ABCA13: variants seen among roughly 807,000 people sequenced by gnomAD.
ABCA13 encodes the protein ATP binding cassette subfamily A member 13, also known as ATP-binding cassette sub-family A member 13.
Under a neutral mutation model 478.7 loss-of-function variants are expected in ABCA13, and 476 were observed. That is an observed-to-expected ratio of 0.99 (90% CI 0.92 to 1.07). The LOEUF is 1.07. Among genes scored for constraint, ABCA13 ranks in the 50% least tolerant of loss-of-function variants. ABCA13 has a pLI of 0.00. For synonymous variants in ABCA13, 2,252 were observed against 2,158.9 expected, an observed-to-expected ratio of 1.04 and a Z score of -1.20; for missense variants, 6,060 against 5,910.6, an observed-to-expected ratio of 1.03 and a Z score of -0.83.
intron 59 of ABCA13, among the ~76,000 whole-genome samples, chr7:48,625,441 T>G (rs747296731): frequency 6.6e-6 from 1 of 152,224 alleles, no homozygotes; most frequent in Non-Finnish European, 1.5e-5. Context: ...TTTCTATATT[T>G]TACTTTAGTT....
chr7:48,596,167 T>C (rs1389407948), intron 58 of ABCA13, among the ~76,000 whole-genome samples: 1 of 152,260 alleles, frequency 6.6e-6, no homozygotes, highest in Non-Finnish European at 1.5e-5. Flanking sequence ...CAATGTATTG[T>C]GAAGAACTCA....
chr7:48,269,643 G>A (rs964886614), intron 16 of ABCA13, among the ~76,000 whole-genome samples: 1 of 152,196 alleles, frequency 6.6e-6, no homozygotes, highest in African/African-American at 2.4e-5. Flanking sequence ...TGGGAGAGAT[G>A]TTTTGCATAA....
chr7:48,307,694 T>TA (rs1801112035), intron 23 of ABCA13, among the ~76,000 whole-genome samples: 1 of 152,212 alleles, frequency 6.6e-6, no homozygotes, highest in African/African-American at 2.4e-5. Context: ...TTTATTTATT[T>TA]TTTTAAGACA....
chr7:48,563,829 TG>T (rs1563442724), intron 55 of ABCA13, among the ~76,000 whole-genome samples: 2,674 of 82,366 alleles, frequency 0.032, 80 homozygotes, highest in African/African-American at 0.12. Context: ...TGTGTGTGTG[TG>T]TGTGTGTGTT....
intron 41 of ABCA13, among the ~76,000 whole-genome samples, chr7:48,414,954 A>G (rs142708312): frequency 6.6e-6 from 1 of 152,302 alleles, no homozygotes; most frequent in East Asian, 1.9e-4. Flanking sequence ...AATAACATCT[A>G]TACCCCCAAA....
intron 20 of ABCA13, among the ~76,000 whole-genome samples, chr7:48,291,228 G>T (rs879663691): frequency 6.6e-6 from 1 of 152,164 alleles, no homozygotes; most frequent in Admixed American, 6.5e-5. Flanking sequence ...TTCTGGTAGA[G>T]CAGTCAGCGG....
intron 54 of ABCA13, among the ~76,000 whole-genome samples, chr7:48,527,221 C>T (rs911104321): frequency 2.6e-5 from 4 of 151,966 alleles, no homozygotes; most frequent in African/African-American, 4.8e-5. Context: ...CTGGGGGAGA[C>T]GGACTCATAT....
chr7:48,570,244 AT>A (rs1787480810), intron 55 of ABCA13, among the ~76,000 whole-genome samples: 1 of 146,856 alleles, frequency 6.8e-6, no homozygotes, highest in Non-Finnish European at 1.5e-5. Flanking sequence ...CTTCAAGTCT[AT>A]TTTGTTATAT....
chr7:48,386,096 C>A (rs2129049459), intron 35 of ABCA13, among the ~76,000 whole-genome samples: 1 of 152,216 alleles, frequency 6.6e-6, no homozygotes. Flanking sequence ...TATACAGCAA[C>A]AACAGTCAAG....
intron 35 of ABCA13, among the ~76,000 whole-genome samples, chr7:48,385,062 A>C (rs1814970628): frequency 1.3e-5 from 2 of 152,200 alleles, no homozygotes; most frequent in South Asian, 4.1e-4. Context: ...AAACCTGCGG[A>C]GATACAACTC....
At chr7:48,512,611 T>G (rs963493838) in intron 51 of ABCA13, among the ~76,000 whole-genome samples, 1 of 152,168 alleles carries the variant, frequency 6.6e-6, no homozygotes, top group Non-Finnish European at 1.5e-5. Context: ...ATAAAATTAT[T>G]TTTGAATTTT....
Position 48,389,072 on chromosome 7 carries a change from G to A in ABCA13, c.11506G>A (p.Glu3836Lys). The A allele has an allele frequency of 6.2e-7, 1 of 1,613,936 alleles. No individual in the cohort carries two copies. The highest frequency in any genetic ancestry group is 8.5e-7 in the Non-Finnish European group (1 of 1,179,840). Residue 3836 changes from glutamate (E) to lysine (K), a missense_variant, in exon 37 of 62, where the codon GAA becomes AAA. Glu to Lys is a moderately conservative substitution (Grantham distance 56). Around this residue, in one of 3 missense-constraint regions of ABCA13, gnomAD observed 1,627 missense variants for 1,571.0 expected, o/e 1.04. Coordinates refer to ENST00000435803, the MANE Select transcript of ABCA13 (RefSeq NM_152701.5). Reference sequence around the variant, plus strand: ...ACTGCAAAACAGGGAAGGAGAGCTTGAAGGAAGTGCCCCGGGAGTCACCCT... The same window carrying A: ...ACTGCAAAACAGGGAAGGAGAGCTTAAAGGAAGTGCCCCGGGAGTCACCCT... The part of the protein sequence containing the change: ...SSLQNREGEL[E>K]GSAPGVTLVS...
intron 55 of ABCA13, among the ~76,000 whole-genome samples, chr7:48,559,290 G>A (rs1360936681): frequency 2.0e-5 from 3 of 152,118 alleles, no homozygotes; most frequent in African/African-American, 7.2e-5. Context: ...TGTCAGAGGA[G>A]CCTCTCTCAG....
chr7:48,546,604 T>G (rs1179893994), intron 55 of ABCA13, among the ~76,000 whole-genome samples: 2 of 151,730 alleles, frequency 1.3e-5, no homozygotes, highest in Non-Finnish European at 2.9e-5. Context: ...CAAACTAGCA[T>G]TTTTTGAGTT....
At chr7:48,380,819 T>G (rs1041950640) in intron 35 of ABCA13, among the ~76,000 whole-genome samples, 3 of 152,178 alleles carry the variant, frequency 2.0e-5, no homozygotes, top group Non-Finnish European at 2.9e-5. Flanking sequence ...AGGACTCACC[T>G]GTGGATGTGC....
At chr7:48,353,076 C>A (rs1293484186) in intron 31 of ABCA13, among the ~76,000 whole-genome samples, 1 of 151,874 alleles carries the variant, frequency 6.6e-6, no homozygotes, top group Non-Finnish European at 1.5e-5. Flanking sequence ...AAACAGCCAT[C>A]AGGGAGGCCA....
intron 38 of ABCA13, among the ~76,000 whole-genome samples, chr7:48,400,779 G>A (rs1817497485): frequency 6.6e-6 from 1 of 152,216 alleles, no homozygotes; most frequent in Admixed American, 6.5e-5. Flanking sequence ...ATGCCTCAGT[G>A]GCTTAGAGTC....
At chr7:48,591,821 C>T (rs1789775523) in intron 57 of ABCA13, among the ~76,000 whole-genome samples, 2 of 151,824 alleles carry the variant, frequency 1.3e-5, no homozygotes, top group African/African-American at 4.8e-5. Context: ...GATTTTGTAT[C>T]ATATGACTTT....
intron 31 of ABCA13, among the ~76,000 whole-genome samples, chr7:48,352,932 A>T (rs1584973601): frequency 6.6e-6 from 1 of 151,972 alleles, no homozygotes; most frequent in Non-Finnish European, 1.5e-5. Flanking sequence ...TTGGGTACCC[A>T]TGAAGTAATA....
Sources: gnomAD v4.1 joint callset for allele counts (sites outside exome capture counted in the v4.1 genomes callset) on GRCh38, gnomAD v4.1.1 for gene constraint, gnomAD v4.1.1 regional missense constraint, MANE v1.5 for transcripts, NCBI Gene and HGNC (gene_info 2026-07-23, HGNC 2026-07-21) for gene names.